The following ING2 variants were observed in gnomAD, a reference collection of about 807,000 sequenced individuals.
ING2 encodes inhibitor of growth family member 2.
Under a neutral mutation model 30.6 loss-of-function variants are expected in ING2, and 7 were observed. The observed-to-expected ratio is 0.23, with a 90% CI of 0.13 to 0.43. ING2 has a LOEUF of 0.43. Among genes scored for constraint, ING2 ranks in the 20% least tolerant of loss-of-function variants. The probability of loss-of-function intolerance (pLI) is 1.00; values close to 1 mark genes in which losing one functional copy is unlikely to be tolerated. For missense variants in ING2, 239 were observed against 334.9 expected, an observed-to-expected ratio of 0.71 and a Z score of 2.24; for synonymous variants, 136 against 121.7, an observed-to-expected ratio of 1.12 and a Z score of -0.78.
Position 183,511,022 on chromosome 4 carries a change from A to G in ING2, c.*70A>G, listed in dbSNP as rs986455408. 5.8e-6 allele frequency: 7 copies of G among 1,202,814 alleles called. No individual in the cohort carries two copies. Among genetic ancestry groups the G allele is most frequent in the Non-Finnish European group, 8.1e-6 (7 of 867,884 alleles). 74.5% of individuals were successfully genotyped at this position (1,202,814 alleles called of 1,614,324 possible). A position where few individuals can be genotyped will look rare whatever the true frequency, so the allele number is the denominator to read the frequency against. On this transcript the variant is annotated 3_prime_UTR_variant, in exon 2 of 2. Coordinates refer to ENST00000302327, the MANE Select transcript of ING2 (RefSeq NM_001564.4). ...TTCGTTTGCTTTCAGAAAATGTTTT[A>G]GGGTAAATGCATAAGACTATGCAAT...
At chr4:183,507,350 C>T (rs149311602) in intron 1 of ING2, among the ~76,000 whole-genome samples, 1 of 152,358 alleles carries the variant, frequency 6.6e-6, no homozygotes, top group African/African-American at 2.4e-5. Context: ...ACCCGCCCGC[C>T]TCGGCCTCCG....
At position 183,505,222 on chromosome 4, in the gene ING2, G is replaced by C. The variant is rs755631655; in HGVS notation, c.27G>C (p.Leu9=). The C allele has an allele frequency of 2.5e-6, 4 of 1,602,070 alleles. No homozygotes were observed. The highest frequency in any genetic ancestry group is 3.4e-6 in the Non-Finnish European group (4 of 1,175,504). The change falls in exon 1 of 2, where the codon CTG becomes CTC. Residue 9 remains leucine (L), a synonymous_variant. Coordinates refer to ENST00000302327, the MANE Select transcript of ING2 (RefSeq NM_001564.4). Reference sequence around the variant, plus strand: ...TGTTAGGGCAGCAGCAGCAGCAACTGTACTCGTCGGCCGCGCTCCTGACCG... The same window carrying C: ...TGTTAGGGCAGCAGCAGCAGCAACTCTACTCGTCGGCCGCGCTCCTGACCG... The part of the protein sequence containing the change: MLGQQQQQ[L]YSSAALLTGE...
chr4:183,505,305 C>A lies in ING2; in HGVS notation c.110C>A (p.Ser37Ter). The change falls in exon 1 of 2, where the codon TCG becomes TAG. Residue 37 changes from serine (S) to a stop codon, truncating the protein, a stop_gained. Transcript: ENST00000302327. LOFTEE classifies it high-confidence loss of function. ...YVQDYLECVE[S>*]LPHDMQRNVS... is the part of the protein sequence containing the mutation. The stretch of plus-strand genomic sequence containing the variant: ...CAGGACTACCTTGAGTGCGTGGAGT[C>A]GCTGCCCCACGACATGCAGAGGAAC... 1 of 1,561,328 alleles carries A rather than the reference C, an allele frequency of 6.4e-7. No homozygotes were observed. The highest frequency in any genetic ancestry group is 8.7e-7 in the Non-Finnish European group (1 of 1,154,336).
At chr4:183,507,284 A>G (rs978079532) in intron 1 of ING2, among the ~76,000 whole-genome samples, 2 of 152,178 alleles carry the variant, frequency 1.3e-5, no homozygotes, top group Non-Finnish European at 2.9e-5. Context: ...TATTTTTAGT[A>G]GAGACGGAGT....
At chr4:183,506,722 T>C (rs72689383) in intron 1 of ING2, among the ~76,000 whole-genome samples, 4,614 of 152,180 alleles carry the variant, frequency 0.03, 137 homozygotes, top group East Asian at 0.16. Context: ...TGTCTGATGT[T>C]TTTTAGTTTA....
At chr4:183,508,929 G>T (rs541500563) in intron 1 of ING2, among the ~76,000 whole-genome samples, 390 of 152,222 alleles carry the variant, frequency 2.6e-3, no homozygotes, top group Non-Finnish European at 4.3e-3. Context: ...TATTCCACGT[G>T]CCATACAACT....
rs780066038 is a variant in ING2 at position 183,511,792 on chromosome 4, G to C, written c.*840G>C. 1.3e-5 allele frequency among the ~76,000 whole-genome samples: 2 copies of C among 152,206 alleles called. No individual in the cohort carries two copies. The highest frequency in any genetic ancestry group is 2.9e-5 in the Non-Finnish European group (2 of 68,036). On this transcript the variant is annotated 3_prime_UTR_variant, in exon 2 of 2. Transcript: ENST00000302327. ...GTATTTTCCATGTGACCTGCTGCCA[G>C]GATGCGTAGCCACAGGCCTATCAGT...
chr4:183,507,209 T>G (rs1734668815), intron 1 of ING2, among the ~76,000 whole-genome samples: 1 of 152,204 alleles, frequency 6.6e-6, no homozygotes, highest in Non-Finnish European at 1.5e-5. Context: ...CAAGCGATTC[T>G]CCTGCCTCAG....
rs886196474 is a variant in ING2 at position 183,506,737 on chromosome 4, T to C, written c.172+1370T>C. ...TGTCTGATGTTTTTTAGTTTATAAATTTGTTTCTGTTTTCTGAATCCATAG... is the reference window on the plus strand; with the variant it reads ...TGTCTGATGTTTTTTAGTTTATAAACTTGTTTCTGTTTTCTGAATCCATAG... On this transcript the variant is annotated intron_variant, in intron 1 of 1. Coordinates refer to ENST00000302327, the MANE Select transcript of ING2 (RefSeq NM_001564.4). 5.3e-5 allele frequency among the ~76,000 whole-genome samples: 8 copies of C among 152,050 alleles called. No individual in the cohort carries two copies. In the East Asian group the frequency reaches 1.5e-3, roughly 29 times the overall value.
At position 183,511,825 on chromosome 4, in the gene ING2, G is replaced by A. The variant is rs530931194; in HGVS notation, c.*873G>A. 6.6e-6 allele frequency among the ~76,000 whole-genome samples: 1 copy of A among 152,222 alleles called. No individual in the cohort carries two copies. Among genetic ancestry groups the A allele is most frequent in the South Asian group, 2.1e-4 (1 of 4,828 alleles). On this transcript the variant is annotated 3_prime_UTR_variant, in exon 2 of 2. Transcript: ENST00000302327. ...AGCCACAGGCCTATCAGTGGAAAGGGGCATATAGTAGTCTTTAAATATTGC... is the reference window on the plus strand; with the variant it reads ...AGCCACAGGCCTATCAGTGGAAAGGAGCATATAGTAGTCTTTAAATATTGC...
Position 183,505,122 on chromosome 4 carries a change from G to C in ING2, c.-74G>C. On this transcript the variant is annotated 5_prime_UTR_variant, in exon 1 of 2. Transcript: ENST00000302327. ...GCGGCGCCGGGCTGCTGAGCTGAGG[G>C]CCCGCGGCGGCCGCGGCCGGTGCAT... is the stretch of plus-strand genomic sequence containing the variant. 11 of 1,426,264 alleles carry C rather than the reference G, an allele frequency of 7.7e-6. No individual in the cohort carries two copies. The highest frequency in any genetic ancestry group is 9.2e-6 in the Non-Finnish European group (10 of 1,085,950). The allele number at this position is 1,426,264 out of a possible 1,614,324, so 88.4% of individuals were successfully genotyped here.
chr4:183,506,781 G>T (rs1436396073), intron 1 of ING2, among the ~76,000 whole-genome samples: 1 of 148,778 alleles, frequency 6.7e-6, no homozygotes, highest in Non-Finnish European at 1.5e-5. Flanking sequence ...GGACTGATCC[G>T]TGTTTGGGGA....
intron 1 of ING2, among the ~76,000 whole-genome samples, chr4:183,506,999 T>A (rs865929395): frequency 7.9e-5 from 12 of 152,358 alleles, no homozygotes; most frequent in Middle Eastern, 6.8e-3. Context: ...TCTACAGATA[T>A]GGAGCACAAA....
rs1411223592 is a variant in ING2, at chr4:183,511,315, A to T, written c.*363A>T. Among the ~76,000 whole-genome samples, 1 of 152,272 alleles carries T rather than the reference A, an allele frequency of 6.6e-6. No individual in the cohort carries two copies. The highest frequency in any genetic ancestry group is 1.5e-5 in the Non-Finnish European group (1 of 68,052). On this transcript the variant is annotated 3_prime_UTR_variant, in exon 2 of 2. Coordinates refer to ENST00000302327, the MANE Select transcript of ING2 (RefSeq NM_001564.4). The stretch of plus-strand genomic sequence containing the variant: ...ATTTTAGTTATACATGCTTAAAAAA[A>T]TGTTAGATGTAGTGGGATTTCTCTT...
In ING2 at chr4:183,509,921, A is replaced by G. The variant is rs371070291; in HGVS notation, c.173-361A>G. On this transcript the variant is annotated intron_variant, in intron 1 of 1. Transcript: ENST00000302327. ...CGGCTAATTTTTGCATTTTTAGTAG[A>G]GACAGGGTTTCACTATCTTGGCCAG... 9.6e-5 allele frequency among the ~76,000 whole-genome samples: 14 copies of G among 146,480 alleles called. No homozygotes were observed. The East Asian group carries it at 2.7e-3, about 28-fold the overall frequency.
chr4:183,506,833 C>G (rs1018801614), intron 1 of ING2, among the ~76,000 whole-genome samples: 1 of 152,124 alleles, frequency 6.6e-6, no homozygotes, highest in Non-Finnish European at 1.5e-5. Context: ...TGGGTCCAGA[C>G]CATTATATAA....
chr4:183,506,108 G>C, intron 1 of ING2: 3 of 1,195,312 alleles, frequency 2.5e-6, no homozygotes, highest in Non-Finnish European at 2.1e-6. Context: ...GCGCGTTCCC[G>C]CGGGCCTGGA....
intron 1 of ING2, chr4:183,506,317 G>T: frequency 7.7e-7 from 1 of 1,303,758 alleles, no homozygotes; most frequent in Non-Finnish European, 1.0e-6. Flanking sequence ...TCCTGGCTCC[G>T]CGTAGGTTCC....
Position 183,510,525 on chromosome 4 carries a change from A to T in ING2, c.416A>T (p.Lys139Met). Residue 139 changes from lysine to methionine, a missense_variant, in exon 2 of 2, where the codon AAG becomes ATG. Around this residue, in one of 5 missense-constraint regions of ING2, gnomAD observed 115 missense variants for 120.1 expected, o/e 0.96. Transcript: ENST00000302327. ...AESERASDKA[K>M]MDSSQPERSS... ...AGTGAACGAGCCTCAGATAAAGCAA[A>T]GATGGATTCCAGCCAACCAGAAAGA... 6.2e-7 allele frequency: 1 copy of T among 1,614,108 alleles called. No homozygotes were observed.
Sources: allele counts gnomAD v4.1 joint callset (sites outside exome capture counted in the v4.1 genomes callset), GRCh38; gene constraint gnomAD v4.1.1; regional missense constraint gnomAD v4.1.1; transcripts MANE v1.5; gene names NCBI Gene and HGNC (gene_info 2026-07-23, HGNC 2026-07-21).